The following ZNF280C variants were observed in gnomAD, a reference collection of about 807,000 sequenced individuals.
ZNF280C encodes the protein zinc finger protein 280C, also known as suppressor of hairy wing homolog 3.
In ZNF280C, 14 loss-of-function variants were observed where a neutral mutation model predicts 53.6. That is an observed-to-expected ratio of 0.26 (90% CI 0.17 to 0.41). The LOEUF is 0.41. ZNF280C is among the 10% of genes least tolerant of loss of function. ZNF280C has a pLI of 1.00. For missense variants in ZNF280C, 416 were observed against 547.1 expected, an observed-to-expected ratio of 0.76 and a Z score of 2.39; for synonymous variants, 203 against 181.1, an observed-to-expected ratio of 1.12 and a Z score of -0.97.
In ZNF280C at chrX:130,236,245, T is replaced by C. The variant is rs932529154; in HGVS notation, c.740A>G (p.Asn247Ser). 7 of 1,204,976 alleles carry C rather than the reference T, an allele frequency of 5.8e-6. No individual in the cohort carries two copies. The highest frequency in any genetic ancestry group is 7.8e-6 in the Non-Finnish European group (7 of 892,018). Residue 247 changes from asparagine to serine, a missense_variant, in exon 8 of 19, where the codon AAT becomes AGT. Around this residue, in one of 3 missense-constraint regions of ZNF280C, gnomAD observed 193 missense variants for 201.4 expected, o/e 0.96. Coordinates refer to ENST00000370978, the MANE Select transcript of ZNF280C (RefSeq NM_017666.5). The stretch of plus-strand genomic sequence containing the variant: ...GTGGTATTTCAAAGGATCCAAAAGA[T>C]TGAACTGAACATTGCACTTTGGACA... ...RACPKCNVQF[N>S]LLDPLKYHMK...
intron 13 of ZNF280C, among the ~76,000 whole-genome samples, chrX:130,217,808 C>T (rs1333576080): frequency 8.9e-6 from 1 of 111,894 alleles, no homozygotes; most frequent in Non-Finnish European, 1.9e-5. Context: ...CAGATATTAA[C>T]GAATAATTAG....
At chrX:130,249,044 CCT>C (rs1456929885) in intron 2 of ZNF280C, among the ~76,000 whole-genome samples, 16 of 111,747 alleles carry the variant, frequency 1.4e-4, no homozygotes, top group Non-Finnish European at 2.5e-4. Context: ...GCACCCTGCC[CCT>C]GAGCCACCAC....
intron 9 of ZNF280C, 116 bp from the exon 10 acceptor site, chrX:130,229,250 T>C (rs755657427): frequency 1.4e-6 from 1 of 713,925 alleles, no homozygotes; most frequent in African/African-American, 2.2e-5. Context: ...CAAAATAACA[T>C]CTCCAAGGCC....
intron 13 of ZNF280C, among the ~76,000 whole-genome samples, chrX:130,219,252 G>A (rs1275120346): frequency 9.0e-6 from 1 of 110,728 alleles, no homozygotes; most frequent in Non-Finnish European, 1.9e-5. Flanking sequence ...CTGGGAGGCC[G>A]AGGCGGGCAG....
intron 1 of ZNF280C, among the ~76,000 whole-genome samples, chrX:130,266,662 TAAAAG>T (rs1292315125): frequency 4.0e-4 from 44 of 111,239 alleles, no homozygotes; most frequent in Non-Finnish European, 4.3e-4. Context: ...AAAAACTCCT[TAAAAG>T]AAAACTACTT....
chrX:130,231,467 C>A (rs1425117523), intron 8 of ZNF280C, among the ~76,000 whole-genome samples: 1 of 111,899 alleles, frequency 8.9e-6, no homozygotes, highest in East Asian at 2.8e-4. Flanking sequence ...AAACAAAAAA[C>A]TAAATATCTT....
chrX:130,247,055 T>A (rs779797718), intron 2 of ZNF280C, 50 bp from the exon 3 acceptor site: 6 of 1,104,360 alleles, frequency 5.4e-6, no homozygotes, highest in Non-Finnish European at 7.4e-6. Flanking sequence ...GAGAAAAATA[T>A]TTTCTGTGCA....
intron 2 of ZNF280C, among the ~76,000 whole-genome samples, chrX:130,249,112 G>A (rs977786316): frequency 9.0e-6 from 1 of 110,629 alleles, no homozygotes; most frequent in Non-Finnish European, 1.9e-5. Context: ...CACCCTGAGC[G>A]GCCATCTCTG....
At chrX:130,262,585 A>G (rs1307640684) in intron 1 of ZNF280C, among the ~76,000 whole-genome samples, 1 of 111,965 alleles carries the variant, frequency 8.9e-6, no homozygotes, top group Non-Finnish European at 1.9e-5. Context: ...ATATCCAGCA[A>G]AGATATGCAG....
intron 8 of ZNF280C, among the ~76,000 whole-genome samples, chrX:130,231,089 T>C (rs1461880452): frequency 8.9e-6 from 1 of 111,856 alleles, no homozygotes; most frequent in Non-Finnish European, 1.9e-5. Context: ...AAGATACAGC[T>C]TACATGCTTA....
At chrX:130,259,326 T>C (rs1450612183) in intron 2 of ZNF280C, among the ~76,000 whole-genome samples, 2 of 112,203 alleles carry the variant, frequency 1.8e-5, no homozygotes, top group African/African-American at 6.5e-5. Context: ...AGCCAGGCAA[T>C]GCCAGATTTA....
chrX:130,210,523 A>G (rs1222020437), intron 15 of ZNF280C, among the ~76,000 whole-genome samples: 4 of 112,247 alleles, frequency 3.6e-5, no homozygotes, highest in Non-Finnish European at 7.5e-5. Flanking sequence ...TTTAATCTTA[A>G]TATGTTTGGG....
At chrX:130,230,869 G>A in intron 8 of ZNF280C, 142 bp from the exon 9 acceptor site, 2 of 339,799 alleles carry the variant, frequency 5.9e-6, no homozygotes, top group Non-Finnish European at 5.0e-6. Flanking sequence ...CCAAAATTGT[G>A]GCTTCCATTT....
At chrX:130,240,418 G>C (rs1007623614) in intron 5 of ZNF280C, among the ~76,000 whole-genome samples, 4 of 111,411 alleles carry the variant, frequency 3.6e-5, no homozygotes, top group African/African-American at 1.3e-4. Flanking sequence ...TTATAATGAG[G>C]ATATAAAGAT....
At chrX:130,251,128 A>G (rs2032502866) in intron 2 of ZNF280C, among the ~76,000 whole-genome samples, 1 of 106,813 alleles carries the variant, frequency 9.4e-6, no homozygotes, top group Admixed American at 1.0e-4. Flanking sequence ...ATAATAAAGA[A>G]CAGCTTAGCC....
chrX:130,236,126 T>A, intron 8 of ZNF280C, 88 bp downstream of exon 8: 1 of 561,342 alleles, frequency 1.8e-6, no homozygotes, highest in Admixed American at 3.9e-5. Flanking sequence ...AATATCTGGA[T>A]AAACCAGCAT....
chrX:130,249,812 T>A lies in ZNF280C; in HGVS notation c.32-2807A>T, dbSNP rs185940883. ...ACAAGGGTTCCGAAGGGGGCTGAGA[T>A]GGCTGAAAGGACAGAAAAAAGAATT... On this transcript the variant is annotated intron_variant, in intron 2 of 18. Coordinates refer to ENST00000370978, the MANE Select transcript of ZNF280C (RefSeq NM_017666.5). Among the ~76,000 whole-genome samples, 7 of 111,762 alleles carry A rather than the reference T, an allele frequency of 6.3e-5. No individual in the cohort carries two copies. In the East Asian group the frequency reaches 8.4e-4, roughly 13 times the overall value.
chrX:130,226,284 G>T (rs959862866), intron 12 of ZNF280C, among the ~76,000 whole-genome samples: 1 of 112,090 alleles, frequency 8.9e-6, no homozygotes, highest in African/African-American at 3.2e-5. Context: ...AAGTGGGCTA[G>T]AAAGTAGAAA....
intron 13 of ZNF280C, among the ~76,000 whole-genome samples, chrX:130,219,288 C>A (rs1239204485): frequency 9.1e-6 from 1 of 110,063 alleles, no homozygotes; most frequent in Admixed American, 9.7e-5. Flanking sequence ...GAGTTTGAGA[C>A]CAGCCTGGCC....
Sources: gnomAD v4.1 joint callset for allele counts (sites outside exome capture counted in the v4.1 genomes callset) on GRCh38, gnomAD v4.1.1 for gene constraint, gnomAD v4.1.1 regional missense constraint, MANE v1.5 for transcripts, NCBI Gene and HGNC (gene_info 2026-07-23, HGNC 2026-07-21) for gene names.